The following NYAP1 variants were observed in gnomAD, a reference collection of about 807,000 sequenced individuals.
NYAP1 encodes the protein neuronal tyrosine-phosphorylated phosphoinositide-3-kinase adapter 1.
A neutral mutation model predicts 58.6 loss-of-function variants in NYAP1; 20 were observed. That is an observed-to-expected ratio of 0.34 (90% CI 0.24 to 0.50). NYAP1 has a LOEUF of 0.50. Among genes scored for constraint, NYAP1 ranks in the 20% least tolerant of loss-of-function variants. NYAP1 has a pLI of 0.98. For synonymous variants in NYAP1, 572 were observed against 523.1 expected (o/e 1.09, Z -1.27); for missense variants, 1,150 against 1,194.5 (o/e 0.96, Z 0.55).
Position 100,490,450 on chromosome 7 carries a change from T to G in NYAP1, c.1946-67T>G. The G allele has an allele frequency of 7.1e-7, 1 of 1,415,364 alleles. No homozygotes were observed. The highest frequency in any genetic ancestry group is 9.8e-7 in the Non-Finnish European group (1 of 1,023,306). The allele number at this position is 1,415,364 out of a possible 1,614,324, so 87.7% of individuals were successfully genotyped here. On this transcript the variant is annotated intron_variant, in intron 4 of 6. Coordinates refer to ENST00000300179, the MANE Select transcript of NYAP1 (RefSeq NM_173564.4). This position sits in a 1 kb window ranked among gnomAD's most constrained non-coding sequence, Gnocchi z 4.6. ...CCTGGTCCACCCATACTGCAGCATG[T>G]GTGGCCAGAGGGACAGAATGACGCC...
In NYAP1 at chr7:100,493,834, C is replaced by A; in HGVS notation, c.2457C>A (p.Pro819=). 6.4e-7 allele frequency: 1 copy of A among 1,571,602 alleles called. No homozygotes were observed. The highest frequency in any genetic ancestry group is 8.6e-7 in the Non-Finnish European group (1 of 1,163,360). The change falls in exon 7 of 7, where the codon CCC becomes CCA. Residue 819 remains proline, a synonymous_variant. Transcript: ENST00000300179. ...MPILPSWRRG[P]EPRKSGTPPC... ...TCCTCCCCAGCTGGCGGCGGGGACC[C>A]GAGCCCCGCAAGTCCGGCACCCCGC...
chr7:100,484,819 T>C (rs1020689143), intron 1 of NYAP1, among the ~76,000 whole-genome samples: 1 of 152,070 alleles, frequency 6.6e-6, no homozygotes, highest in African/African-American at 2.4e-5. Flanking sequence ...TGCCTGTCTA[T>C]CCCTAGGTTT....
chr7:100,493,961 C>T lies in NYAP1; in HGVS notation c.*58C>T. 4 of 1,338,252 alleles carry T rather than the reference C, an allele frequency of 3.0e-6. No homozygotes were observed. Among genetic ancestry groups the T allele is most frequent in the South Asian group, 3.2e-5 (2 of 63,260 alleles). 82.9% of individuals were successfully genotyped at this position (1,338,252 alleles called of 1,614,324 possible). On this transcript the variant is annotated 3_prime_UTR_variant, in exon 7 of 7. Transcript: ENST00000300179. ...GGGGAGGGGGCGGGCACGCCTGGCTCTCCCGGGAGCCTCGCCTTGAGAGAC... is the reference window on the plus strand; with the variant it reads ...GGGGAGGGGGCGGGCACGCCTGGCTTTCCCGGGAGCCTCGCCTTGAGAGAC...
At position 100,485,073 on chromosome 7, in the gene NYAP1, G is replaced by A. The variant is rs142244556; in HGVS notation, c.-84-155G>A. 8.1e-3 allele frequency among the ~76,000 whole-genome samples: 1,240 copies of A among 152,240 alleles called. 8 individuals are homozygous for A. The highest frequency in any genetic ancestry group is 0.014 in the Middle Eastern group (4 of 294). ...TGTCGGGGTCTGTGTCTGTCTGTCT[G>A]TGGGTCCTCGAAGCTGTGTTGGGTT... On this transcript the variant is annotated intron_variant, in intron 1 of 6. Coordinates refer to ENST00000300179, the MANE Select transcript of NYAP1 (RefSeq NM_173564.4). The surrounding 1 kb of genome is among the most constrained non-coding windows in gnomAD (Gnocchi z 5.7).
chr7:100,484,528 G>A (rs1476428268), intron 1 of NYAP1, among the ~76,000 whole-genome samples: 2 of 152,120 alleles, frequency 1.3e-5, no homozygotes, highest in African/African-American at 2.4e-5. Context: ...CTGGAAGTGG[G>A]GGAAGGCAGG....
Position 100,490,893 on chromosome 7 carries a change from G to A in NYAP1, c.2159-93G>A, listed in dbSNP as rs1022152546. ...CCTTTTTCCCTTCTGATGAGGCAGGGGCAGCCTGGACCATTCAAGGGCAGG... is the reference window on the plus strand; with the variant it reads ...CCTTTTTCCCTTCTGATGAGGCAGGAGCAGCCTGGACCATTCAAGGGCAGG... On this transcript the variant is annotated intron_variant, in intron 5 of 6. Transcript: ENST00000300179. This position sits in a 1 kb window ranked among gnomAD's most constrained non-coding sequence, Gnocchi z 4.6. 6 of 1,085,406 alleles carry A rather than the reference G, an allele frequency of 5.5e-6. No homozygotes were observed. The highest frequency in any genetic ancestry group is 2.1e-4 in the Middle Eastern group (1 of 4,816). 67.2% of individuals were successfully genotyped at this position (1,085,406 alleles called of 1,614,324 possible).
rs536127902 is a variant in NYAP1 at position 100,484,451 on chromosome 7, CTA to C, written c.-85+451_-85+452del. On this transcript the variant is annotated intron_variant, in intron 1 of 6. Coordinates refer to ENST00000300179, the MANE Select transcript of NYAP1 (RefSeq NM_173564.4). ...CATCAGCGAGGGAGGGAGGCAGAGA[CTA>C]AACCATTGCTAAAGGGCCAGGGAGC... 9.9e-5 allele frequency among the ~76,000 whole-genome samples: 15 copies of C among 152,196 alleles called. No homozygotes were observed. The East Asian group carries it at 2.5e-3, about 25-fold the overall frequency.
intron 6 of NYAP1, among the ~76,000 whole-genome samples, chr7:100,492,779 G>T (rs1030027296): frequency 2.6e-5 from 4 of 151,978 alleles, no homozygotes; most frequent in African/African-American, 9.7e-5. Context: ...CATGCTTGTG[G>T]TTCCAGCAAC....
In NYAP1 at chr7:100,489,044, C is replaced by G. The variant is rs752266949; in HGVS notation, c.1323C>G (p.Ala441=). The stretch of plus-strand genomic sequence containing the variant: ...CTAAGGCGGCGGGGGCGCCGGCAGC[C>G]CCCCCTGCCCCGGCCGCCTTGCTCC... ...ICPKAAGAPA[A]PPAPAALLPG... The change falls in exon 4 of 7, where the codon GCC becomes GCG. Residue 441 remains alanine, a synonymous_variant. Transcript: ENST00000300179. The G allele has an allele frequency of 3.6e-5, 55 of 1,541,626 alleles. No homozygotes were observed. Among genetic ancestry groups the G allele is most frequent in the Middle Eastern group, 1.7e-4 (1 of 5,948 alleles).
Position 100,490,848 on chromosome 7 carries a change from C to T in NYAP1, c.2158+119C>T. 1.8e-6 allele frequency: 2 copies of T among 1,104,170 alleles called. No homozygotes were observed. Among genetic ancestry groups the T allele is most frequent in the Non-Finnish European group, 2.6e-6 (2 of 779,404 alleles). The allele number at this position is 1,104,170 out of a possible 1,614,324, so 68.4% of individuals were successfully genotyped here. On this transcript the variant is annotated intron_variant, in intron 5 of 6. Transcript: ENST00000300179. This position sits in a 1 kb window ranked among gnomAD's most constrained non-coding sequence, Gnocchi z 4.6. ...CACGTCTGTGCCCAGGGCCCTAAAT[C>T]CTCATACCACATCTCCACCCCTTTT...
rs1305642992 is a variant in NYAP1 at position 100,493,950 on chromosome 7, C to G, written c.*47C>G. 2 of 1,367,162 alleles carry G rather than the reference C, an allele frequency of 1.5e-6. No homozygotes were observed. Among genetic ancestry groups the G allele is most frequent in the African/African-American group, 3.1e-5 (2 of 65,032 alleles). The allele number at this position is 1,367,162 out of a possible 1,614,324, so 84.7% of individuals were successfully genotyped here. A position where few individuals can be genotyped will look rare whatever the true frequency, so the allele number is the denominator to read the frequency against. ...GCGCCTGGACTGGGGAGGGGGCGGG[C>G]ACGCCTGGCTCTCCCGGGAGCCTCG... On this transcript the variant is annotated 3_prime_UTR_variant, in exon 7 of 7. Coordinates refer to ENST00000300179, the MANE Select transcript of NYAP1 (RefSeq NM_173564.4).
chr7:100,488,111 T>C lies in NYAP1; in HGVS notation c.431-41T>C. The C allele has an allele frequency of 4.0e-6, 6 of 1,491,010 alleles. No individual in the cohort carries two copies. The highest frequency in any genetic ancestry group is 5.4e-6 in the Non-Finnish European group (6 of 1,109,184). 92.4% of individuals were successfully genotyped at this position (1,491,010 alleles called of 1,614,324 possible). On this transcript the variant is annotated intron_variant, in intron 3 of 6. Transcript: ENST00000300179. This position sits in a 1 kb window ranked among gnomAD's most constrained non-coding sequence, Gnocchi z 5.9. ...GGGCTCCTCCCACTTGCTCCCCTCA[T>C]TAAAAGCCTGGTTTATTTTTCTCTT...
Position 100,485,328 on chromosome 7 carries a change from GA to G in NYAP1, c.22del (p.Thr8ProfsTer54). On this transcript the variant is annotated frameshift_variant, in exon 2 of 7. Coordinates refer to ENST00000300179, the MANE Select transcript of NYAP1 (RefSeq NM_173564.4). LOFTEE classifies it high-confidence loss of function. This position sits in a 1 kb window ranked among gnomAD's most constrained non-coding sequence, Gnocchi z 5.7. MNLLY[R>X]KTKLEWRQHK... ...CCCCACGAGATGAACCTCCTCTACC[GA>G]AAAACCAAGCTGGAGTGGAGGCAGC... is the stretch of plus-strand genomic sequence containing the variant. The G allele has an allele frequency of 1.3e-6, 2 of 1,599,436 alleles. No homozygotes were observed. The highest frequency in any genetic ancestry group is 1.7e-6 in the Non-Finnish European group (2 of 1,172,428).
chr7:100,492,909 AAG>A (rs547505845), intron 6 of NYAP1, among the ~76,000 whole-genome samples: 3 of 151,966 alleles, frequency 2.0e-5, no homozygotes, highest in East Asian at 1.9e-4. Flanking sequence ...AAGAAAGAAA[AAG>A]AGAGAGAGTG....
Position 100,488,292 on chromosome 7 carries a change from C to T in NYAP1, c.571C>T (p.Leu191=), listed in dbSNP as rs1799733421. ...AGGCCCCTCTCCTCGAGGGGGGAAC[C>T]TGCCTCTTCAGCGCCTCACTAGGGG... ...PPGPSPRGGN[L]PLQRLTRGSR... is the part of the protein sequence containing the mutation. Residue 191 remains leucine, a synonymous_variant, in exon 4 of 7, where the codon CTG becomes TTG. Coordinates refer to ENST00000300179, the MANE Select transcript of NYAP1 (RefSeq NM_173564.4). This position sits in a 1 kb window ranked among gnomAD's most constrained non-coding sequence, Gnocchi z 5.9. 6.2e-7 allele frequency: 1 copy of T among 1,613,622 alleles called. No individual in the cohort carries two copies. Among genetic ancestry groups the T allele is most frequent in the Admixed American group, 1.7e-5 (1 of 59,930 alleles).
At position 100,490,025 on chromosome 7, in the gene NYAP1, G is replaced by A. The variant is rs555416226; in HGVS notation, c.1945+359G>A. ...GTTACCATGGCAACCCATCCAGACA[G>A]GAGGGAGAGGAGAGGGAGGCCCCTA... On this transcript the variant is annotated intron_variant, in intron 4 of 6. Coordinates refer to ENST00000300179, the MANE Select transcript of NYAP1 (RefSeq NM_173564.4). The surrounding 1 kb of genome is among the most constrained non-coding windows in gnomAD (Gnocchi z 4.6). Among the ~76,000 whole-genome samples the A allele has an allele frequency of 2.0e-5, 3 of 152,210 alleles. No individual in the cohort carries two copies. In the East Asian group the frequency reaches 5.8e-4, roughly 29 times the overall value.
In NYAP1 at chr7:100,488,559, C is replaced by G. The variant is rs1359060380; in HGVS notation, c.838C>G (p.Pro280Ala). 1 of 1,610,910 alleles carries G rather than the reference C, an allele frequency of 6.2e-7. No individual in the cohort carries two copies. Among genetic ancestry groups the G allele is most frequent in the Non-Finnish European group, 8.5e-7 (1 of 1,179,130 alleles). ...GGCTGGGGAAGGCCGGGCCAATGGC[C>G]CTCCACCATTGACGGCAACATCCCC... ...EEAGEGRANG[P>A]PPLTATSPPQ... is the part of the protein sequence containing the mutation. Residue 280 changes from proline (P) to alanine (A), a missense_variant, in exon 4 of 7, where the codon CCT becomes GCT. By Grantham distance (27) the Pro-to-Ala change is conservative. Coordinates refer to ENST00000300179, the MANE Select transcript of NYAP1 (RefSeq NM_173564.4). This position sits in a 1 kb window ranked among gnomAD's most constrained non-coding sequence, Gnocchi z 5.9.
chr7:100,488,948 G>A lies in NYAP1; in HGVS notation c.1227G>A (p.Pro409=), dbSNP rs747155849. ...PSGRARSHST[P]LPPQGSGQPR... The stretch of plus-strand genomic sequence containing the variant: ...GCCGGGCCCGGAGCCACTCGACACC[G>A]TTGCCACCCCAGGGCTCTGGCCAGC... Residue 409 remains proline (P), a synonymous_variant, in exon 4 of 7, where the codon CCG becomes CCA. Transcript: ENST00000300179. This position sits in a 1 kb window ranked among gnomAD's most constrained non-coding sequence, Gnocchi z 5.9. 95 of 1,568,664 alleles carry A rather than the reference G, an allele frequency of 6.1e-5. No homozygotes were observed. Among genetic ancestry groups the A allele is most frequent in the South Asian group, 9.3e-5 (8 of 85,676 alleles).
rs1383661388 is a variant in NYAP1 at position 100,486,910 on chromosome 7, G to A, written c.158G>A (p.Arg53Gln). The A allele has an allele frequency of 3.8e-6, 6 of 1,590,106 alleles. No individual in the cohort carries two copies. Among genetic ancestry groups the A allele is most frequent in the Non-Finnish European group, 5.1e-6 (6 of 1,170,386 alleles). ...GVRVRDIASL[R>Q]RSLRMGFMTM... ...CGCGTGCGGGACATCGCCTCGCTGC[G>A]GCGCTCCCTCAGGATGGGTTTCATG... is the stretch of plus-strand genomic sequence containing the variant. Residue 53 changes from arginine to glutamine, a missense_variant, in exon 3 of 7, where the codon CGG (arginine) becomes CAG (glutamine). Arg to Gln is a conservative substitution (Grantham distance 43). Transcript: ENST00000300179. This position sits in a 1 kb window ranked among gnomAD's most constrained non-coding sequence, Gnocchi z 6.2.
Sources: gnomAD v4.1 joint callset for allele counts (sites outside exome capture counted in the v4.1 genomes callset) on GRCh38, gnomAD v4.1.1 for gene constraint, Gnocchi (gnomAD v3.1) non-coding constraint, MANE v1.5 for transcripts, NCBI Gene and HGNC (gene_info 2026-07-23, HGNC 2026-07-21) for gene names.